CNTLN: variants seen among roughly 807,000 people sequenced by gnomAD.
CNTLN encodes the protein centlein, centrosomal protein.
A neutral mutation model predicts 180.0 loss-of-function variants in CNTLN; 212 were observed. That is an observed-to-expected ratio of 1.18 (90% CI 1.05 to 1.32). The LOEUF (loss-of-function observed/expected upper bound fraction) is 1.32. CNTLN is among the 40% of genes most tolerant of loss of function. CNTLN has a pLI of 0.00. For synonymous variants in CNTLN, 722 were observed against 563.1 expected, an observed-to-expected ratio of 1.28 and a Z score of -3.99; for missense variants, 2,095 against 1,610.9, an observed-to-expected ratio of 1.30 and a Z score of -5.14.
chr9:17,265,044 C>A, intron 5 of CNTLN, among the ~76,000 whole-genome samples: 1 of 145,780 alleles, frequency 6.9e-6, no homozygotes, highest in Non-Finnish European at 1.5e-5. Flanking sequence ...CCTTCTCCTG[C>A]CTAATTGCCC....
intron 15 of CNTLN, among the ~76,000 whole-genome samples, chr9:17,406,975 A>C (rs561995575): frequency 7.4e-5 from 11 of 148,656 alleles, no homozygotes; most frequent in African/African-American, 2.8e-4. Context: ...TGGCCATTAC[A>C]TATTGAATTT....
At chr9:17,149,794 G>A (rs1293637673) in intron 2 of CNTLN, among the ~76,000 whole-genome samples, 1 of 152,092 alleles carries the variant, frequency 6.6e-6, no homozygotes, top group East Asian at 1.9e-4. Context: ...TGGGATTACA[G>A]GCATGAGCCA....
intron 12 of CNTLN, among the ~76,000 whole-genome samples, chr9:17,360,043 C>A (rs1187818591): frequency 6.6e-6 from 1 of 152,010 alleles, no homozygotes; most frequent in East Asian, 1.9e-4. Flanking sequence ...ATGGATATTT[C>A]TTTTTTTCCA....
chr9:17,204,613 T>C (rs1449157663), intron 2 of CNTLN, among the ~76,000 whole-genome samples: 5 of 152,128 alleles, frequency 3.3e-5, no homozygotes, highest in South Asian at 4.1e-4. Flanking sequence ...CTGTCAACCA[T>C]GTTGGGAGGT....
At chr9:17,477,218 T>C (rs2134271673) in intron 23 of CNTLN, among the ~76,000 whole-genome samples, 1 of 152,298 alleles carries the variant, frequency 6.6e-6, no homozygotes, top group Admixed American at 6.5e-5. Flanking sequence ...ATATTGCTGC[T>C]CATTGACAAT....
At chr9:17,141,858 T>G (rs967118942) in intron 1 of CNTLN, among the ~76,000 whole-genome samples, 9 of 151,614 alleles carry the variant, frequency 5.9e-5, no homozygotes, top group African/African-American at 1.9e-4. Context: ...CCGAGGCAGG[T>G]AGATCATGAG....
chr9:17,370,938 C>A (rs1587807547), intron 13 of CNTLN, among the ~76,000 whole-genome samples: 3 of 151,818 alleles, frequency 2.0e-5, no homozygotes, highest in African/African-American at 4.8e-5. Context: ...AACCTCAAAT[C>A]AAAAACCATA....
intron 2 of CNTLN, among the ~76,000 whole-genome samples, chr9:17,192,085 A>G (rs1434515094): frequency 1.3e-5 from 2 of 152,226 alleles, no homozygotes; most frequent in Admixed American, 6.5e-5. Context: ...TCATAAGTAT[A>G]CATTTGTGAT....
At chr9:17,502,401 G>T in intron 25 of CNTLN, 150 bp from the exon 26 acceptor site, 1 of 428,690 alleles carries the variant, frequency 2.3e-6, no homozygotes, top group Non-Finnish European at 4.2e-6. Context: ...ACACTAACCA[G>T]CAAGATCAGT....
chr9:17,340,973 AT>A, intron 11 of CNTLN, 25 bp downstream of exon 11: 1 of 1,585,244 alleles, frequency 6.3e-7, no homozygotes, highest in South Asian at 1.2e-5. Flanking sequence ...TCATAAAGGC[AT>A]TTCCCTAAAT....
intron 12 of CNTLN, among the ~76,000 whole-genome samples, chr9:17,360,449 G>A (rs1823278815): frequency 6.6e-6 from 1 of 152,122 alleles, no homozygotes; most frequent in African/African-American, 2.4e-5. Flanking sequence ...GACCTTATCA[G>A]GATTTTGATT....
rs567233320 is a variant in CNTLN, at chr9:17,407,822, C to T, written c.2616-1471C>T. On this transcript the variant is annotated intron_variant, in intron 15 of 25. Coordinates refer to ENST00000380647, the MANE Select transcript of CNTLN (RefSeq NM_017738.4). ...GATGCTCCATCATGATAAGCTGAAA[C>T]ACATTCAAGACTGACCAGGGAGGCT... 2.0e-5 allele frequency among the ~76,000 whole-genome samples: 3 copies of T among 152,146 alleles called. No homozygotes were observed. In the East Asian group the frequency reaches 5.8e-4, roughly 30 times the overall value.
At chr9:17,212,001 C>G (rs988387740) in intron 2 of CNTLN, among the ~76,000 whole-genome samples, 1 of 152,162 alleles carries the variant, frequency 6.6e-6, no homozygotes, top group Non-Finnish European at 1.5e-5. Flanking sequence ...CGTCTGCAAA[C>G]AGGGACAATT....
At chr9:17,346,463 T>C (rs1233750614) in intron 12 of CNTLN, among the ~76,000 whole-genome samples, 2 of 152,208 alleles carry the variant, frequency 1.3e-5, no homozygotes, top group Non-Finnish European at 2.9e-5. Context: ...GGGACACAGC[T>C]AGACCATATC....
intron 25 of CNTLN, among the ~76,000 whole-genome samples, chr9:17,501,117 G>A (rs1374111258): frequency 6.6e-6 from 1 of 152,192 alleles, no homozygotes; most frequent in Non-Finnish European, 1.5e-5. Flanking sequence ...CCCTAGAAAA[G>A]CTATTTTAAA....
rs892157984 is a variant in CNTLN at position 17,476,121 on chromosome 9, A to G, written c.3856-8174A>G. ...TTTCAAACTTGTTCATTATTATTCTATCTGTTATGGTGTTCTGTGATCATT... is the reference window on the plus strand; with the variant it reads ...TTTCAAACTTGTTCATTATTATTCTGTCTGTTATGGTGTTCTGTGATCATT... On this transcript the variant is annotated intron_variant, in intron 23 of 25. Transcript: ENST00000380647. Among the ~76,000 whole-genome samples, 4 of 151,552 alleles carry G rather than the reference A, an allele frequency of 2.6e-5. 1 individual carries two copies. Among genetic ancestry groups the G allele is most frequent in the Non-Finnish European group, 1.5e-5 (1 of 67,880 alleles).
chr9:17,289,475 C>G (rs2132667982), intron 6 of CNTLN, among the ~76,000 whole-genome samples: 1 of 134,934 alleles, frequency 7.4e-6, no homozygotes, highest in African/African-American at 3.1e-5. Flanking sequence ...GTGAATCTGA[C>G]AATTATGTGT....
intron 15 of CNTLN, among the ~76,000 whole-genome samples, chr9:17,397,409 G>A (rs1826621325): frequency 6.6e-6 from 1 of 152,174 alleles, no homozygotes; most frequent in South Asian, 2.1e-4. Context: ...GATTATTCAT[G>A]CCTCCCCTTT....
At chr9:17,233,403 A>T (rs1824931660) in intron 3 of CNTLN, among the ~76,000 whole-genome samples, 2 of 152,108 alleles carry the variant, frequency 1.3e-5, no homozygotes, top group Non-Finnish European at 2.9e-5. Context: ...TATTCCTTTA[A>T]CTGTAGTTTC....
Sources: gnomAD v4.1 joint callset for allele counts (sites outside exome capture counted in the v4.1 genomes callset) on GRCh38, gnomAD v4.1.1 for gene constraint, MANE v1.5 for transcripts, NCBI Gene and HGNC (gene_info 2026-07-23, HGNC 2026-07-21) for gene names.